ROBO2: variants seen among roughly 807,000 people sequenced by gnomAD.
The protein encoded by ROBO2 is roundabout homolog 2.
A neutral mutation model predicts 160.8 loss-of-function variants in ROBO2; 53 were observed. The ratio of observed to expected loss-of-function variants is 0.33; its 90% CI spans 0.26 to 0.41. The LOEUF is 0.41. Among genes scored for constraint, ROBO2 ranks in the 10% least tolerant of loss-of-function variants. The pLI is 1.00. For missense variants in ROBO2, 1,577 were observed against 1,722.4 expected, an observed-to-expected ratio of 0.92 and a Z score of 1.49; for synonymous variants, 664 against 611.7, an observed-to-expected ratio of 1.09 and a Z score of -1.26.
intron 2 of ROBO2, among the ~76,000 whole-genome samples, chr3:76,775,861 GA>G (rs780678143): frequency 1.3e-5 from 2 of 150,596 alleles, no homozygotes; most frequent in Non-Finnish European, 3.0e-5. Flanking sequence ...TATTAAGTGG[GA>G]AAAAAGTATG....
intron 2 of ROBO2, among the ~76,000 whole-genome samples, chr3:76,930,613 A>G (rs192093175): frequency 1.1e-4 from 17 of 152,296 alleles, no homozygotes; most frequent in Admixed American, 3.9e-4. Flanking sequence ...GGTTTACTTG[A>G]TCAAGGAGGC....
intron 2 of ROBO2, among the ~76,000 whole-genome samples, chr3:76,657,971 G>A (rs1473421282): frequency 6.7e-6 from 1 of 149,204 alleles, no homozygotes; most frequent in Non-Finnish European, 1.5e-5. Flanking sequence ...AGAGGCTGAG[G>A]TCGGAGGATC....
rs73843442 is a variant in ROBO2 at position 77,014,270 on chromosome 3, G to A, written c.110-83744G>A. Reference sequence around the variant, plus strand: ...CTCTTATTCTACATTCCCACACTACGACCTAATGGATTACTACTTCATTTG... The same window carrying A: ...CTCTTATTCTACATTCCCACACTACAACCTAATGGATTACTACTTCATTTG... On this transcript the variant is annotated intron_variant, in intron 2 of 26. Coordinates refer to the ROBO2 transcript ENST00000487694. Among the ~76,000 whole-genome samples the A allele has an allele frequency of 6.5e-3, 988 of 152,072 alleles. 9 individuals are homozygous for A. Among genetic ancestry groups the A allele is most frequent in the African/African-American group, 0.022 (928 of 41,462 alleles).
intron 2 of ROBO2, among the ~76,000 whole-genome samples, chr3:76,694,151 T>C (rs910073194): frequency 6.6e-6 from 1 of 152,240 alleles, no homozygotes; most frequent in African/African-American, 2.4e-5. Context: ...ATGCCTCACT[T>C]ACATCAGTCG....
At chr3:76,018,379 A>AAG (rs2066466008) in intron 2 of ROBO2, among the ~76,000 whole-genome samples, 1 of 151,964 alleles carries the variant, frequency 6.6e-6, no homozygotes, top group Non-Finnish European at 1.5e-5. Context: ...TTAAGTATAT[A>AAG]AGAATTAGCC....
chr3:76,381,043 A>G (rs1336861645), intron 2 of ROBO2, among the ~76,000 whole-genome samples: 1 of 151,996 alleles, frequency 6.6e-6, no homozygotes, highest in Non-Finnish European at 1.5e-5. Context: ...CTAAAAAAAA[A>G]AAAAAAAAGC....
intron 2 of ROBO2, among the ~76,000 whole-genome samples, chr3:76,899,456 T>C (rs1193685073): frequency 6.6e-6 from 1 of 152,158 alleles, no homozygotes; most frequent in Non-Finnish European, 1.5e-5. Context: ...TACAGGGACT[T>C]ATGTCTTGCC....
intron 2 of ROBO2, among the ~76,000 whole-genome samples, chr3:77,288,400 T>C (rs2060767323): frequency 6.6e-6 from 1 of 152,208 alleles, no homozygotes; most frequent in Admixed American, 6.5e-5. Context: ...TAGAAAAGTC[T>C]TCATTGTTCT....
At chr3:76,124,795 C>A (rs2070903660) in intron 2 of ROBO2, among the ~76,000 whole-genome samples, 1 of 152,008 alleles carries the variant, frequency 6.6e-6, no homozygotes, top group Admixed American at 6.6e-5. Context: ...TTTGAAGTAA[C>A]TATTTGTAAT....
chr3:76,026,482 G>A (rs539370251), intron 2 of ROBO2, among the ~76,000 whole-genome samples: 3 of 152,016 alleles, frequency 2.0e-5, no homozygotes, highest in African/African-American at 7.2e-5. Flanking sequence ...TAAGAGGAAT[G>A]TCCTTCAATA....
intron 2 of ROBO2, among the ~76,000 whole-genome samples, chr3:76,799,236 A>AAC (rs1553909916): frequency 3.3e-5 from 5 of 151,792 alleles, no homozygotes; most frequent in African/African-American, 4.8e-5. Context: ...AACAAAACAA[A>AAC]AAAAAAACGT....
intron 2 of ROBO2, among the ~76,000 whole-genome samples, chr3:76,546,006 C>T (rs2083077410): frequency 6.6e-6 from 1 of 151,708 alleles, no homozygotes; most frequent in African/African-American, 2.4e-5. Context: ...TGACTTTTCA[C>T]TAGAATTAAG....
intron 2 of ROBO2, among the ~76,000 whole-genome samples, chr3:76,723,182 T>A (rs1475709442): frequency 6.6e-6 from 1 of 152,178 alleles, no homozygotes; most frequent in Non-Finnish European, 1.5e-5. Flanking sequence ...TTATTATTTT[T>A]AAAGTATGTA....
chr3:77,480,181 G>A (rs574738807), intron 3 of ROBO2, among the ~76,000 whole-genome samples: 19 of 152,044 alleles, frequency 1.2e-4, no homozygotes, highest in African/African-American at 4.6e-4. Context: ...AAGAGCCAAC[G>A]TACATGAGTT....
chr3:76,609,247 G>C (rs2087891747), intron 2 of ROBO2, among the ~76,000 whole-genome samples: 1 of 152,128 alleles, frequency 6.6e-6, no homozygotes, highest in African/African-American at 2.4e-5. Flanking sequence ...GTTCCATGCT[G>C]TTTTGGTTAT....
chr3:76,858,341 C>T (rs1226441351), intron 2 of ROBO2, among the ~76,000 whole-genome samples: 1 of 152,150 alleles, frequency 6.6e-6, no homozygotes, highest in Non-Finnish European at 1.5e-5. Flanking sequence ...TGGCTCACTG[C>T]AGCCTCTACC....
In ROBO2 at chr3:77,165,467, T is replaced by C. The variant is rs544223565; in HGVS notation, c.388+67127T>C. Among the ~76,000 whole-genome samples, 54 of 148,750 alleles carry C rather than the reference T, an allele frequency of 3.6e-4. 1 individual carries two copies. In the East Asian group the frequency reaches 8.7e-3, roughly 24 times the overall value. ...TCTGCCTAGGAAAACCAGAGACCTT[T>C]GTTCACTTGTTTATCTGCTGACCTT... On this transcript the variant is annotated intron_variant, in intron 2 of 25. Coordinates refer to ENST00000461745, the Ensembl canonical transcript of ROBO2.
At chr3:76,037,450 G>C (rs1456041692) in intron 2 of ROBO2, among the ~76,000 whole-genome samples, 1 of 151,528 alleles carries the variant, frequency 6.6e-6, no homozygotes, top group Non-Finnish European at 1.5e-5. Context: ...TAGAGACGGG[G>C]TTTCACTTGT....
chr3:77,005,594 T>A (rs2061540653), intron 2 of ROBO2, among the ~76,000 whole-genome samples: 1 of 152,202 alleles, frequency 6.6e-6, no homozygotes, highest in Non-Finnish European at 1.5e-5. Flanking sequence ...TAATAAATAT[T>A]GTACTTTATG....
Sources: gnomAD v4.1 joint callset for allele counts (sites outside exome capture counted in the v4.1 genomes callset) on GRCh38, gnomAD v4.1.1 for gene constraint, MANE v1.5 for transcripts, NCBI Gene and HGNC (gene_info 2026-07-23, HGNC 2026-07-21) for gene names.